Variants in FBXO42 observed in about 807,000 individuals in gnomAD.
FBXO42 encodes the protein F-box only protein 42.
FBXO42 carries 12 observed loss-of-function variants against 71.7 expected under a neutral mutation model. The ratio of observed to expected loss-of-function variants is 0.17; its 90% CI spans 0.11 to 0.27. FBXO42 has a LOEUF of 0.27. Among genes scored for constraint, FBXO42 ranks in the 10% least tolerant of loss-of-function variants. FBXO42 has a pLI of 1.00. For missense variants in FBXO42, 707 were observed against 911.9 expected (o/e 0.78, Z 2.89); for synonymous variants, 325 against 327.5 (o/e 0.99, Z 0.08).
chr1:16,346,929 G>C (rs1340300951), intron 1 of FBXO42, among the ~76,000 whole-genome samples: 1 of 151,126 alleles, frequency 6.6e-6, no homozygotes, highest in Non-Finnish European at 1.5e-5. Context: ...TTTAGTAGTA[G>C]AGATGGGGTT....
At chr1:16,255,438 G>A (rs1015124506) in intron 6 of FBXO42, among the ~76,000 whole-genome samples, 11 of 151,636 alleles carry the variant, frequency 7.3e-5, no homozygotes, top group Admixed American at 1.3e-4. Context: ...AGGTTCAAGC[G>A]ATTCTCCTGC....
At chr1:16,257,872 G>A (rs1182067379) in intron 4 of FBXO42, among the ~76,000 whole-genome samples, 1 of 152,128 alleles carries the variant, frequency 6.6e-6, no homozygotes, top group African/African-American at 2.4e-5. Flanking sequence ...GTTGAGATGG[G>A]GTTTCACCAT....
intron 3 of FBXO42, among the ~76,000 whole-genome samples, chr1:16,301,066 T>C (rs1441101284): frequency 6.6e-6 from 1 of 151,974 alleles, no homozygotes; most frequent in Non-Finnish European, 1.5e-5. Flanking sequence ...GCCCAGCTAA[T>C]TTTTGTATGT....
intron 1 of FBXO42, among the ~76,000 whole-genome samples, chr1:16,321,302 C>T (rs184162280): frequency 1.3e-5 from 2 of 152,194 alleles, no homozygotes; most frequent in South Asian, 2.1e-4. Flanking sequence ...ATGCCCAACA[C>T]CAATTTGCAT....
intron 4 of FBXO42, among the ~76,000 whole-genome samples, chr1:16,274,594 T>C (rs1429841072): frequency 9.2e-6 from 1 of 109,048 alleles, no homozygotes; most frequent in Non-Finnish European, 1.8e-5. Flanking sequence ...CCCCGTTTTT[T>C]TTTTTTTTTT....
At chr1:16,291,409 C>T (rs2082076608) in intron 4 of FBXO42, among the ~76,000 whole-genome samples, 1 of 151,396 alleles carries the variant, frequency 6.6e-6, no homozygotes, top group African/African-American at 2.4e-5. Flanking sequence ...TTGAGACAGT[C>T]TCACTCCGCC....
Position 16,250,594 on chromosome 1 carries a change from A to T in FBXO42, c.*76T>A. ...TTCTGGGAGTAATTTTGTTTTCCCA[A>T]TTCTCAGTCCAAATGCTTACACACT... is the stretch of plus-strand genomic sequence containing the variant. On this transcript the variant is annotated 3_prime_UTR_variant, in exon 10 of 10. Transcript: ENST00000375592. The surrounding 1 kb of genome is among the most constrained non-coding windows in gnomAD (Gnocchi z 4.7). 1 of 1,501,636 alleles carries T rather than the reference A, an allele frequency of 6.7e-7. No homozygotes were observed. The highest frequency in any genetic ancestry group is 1.4e-5 in the South Asian group (1 of 72,134). The allele number at this position is 1,501,636 out of a possible 1,614,324, so 93.0% of individuals were successfully genotyped here. A position where few individuals can be genotyped will look rare whatever the true frequency, so the allele number is the denominator to read the frequency against.
intron 1 of FBXO42, among the ~76,000 whole-genome samples, chr1:16,345,847 C>G (rs75444017): frequency 8.5e-6 from 1 of 117,434 alleles, no homozygotes; most frequent in Admixed American, 9.1e-5. Flanking sequence ...GACTCCGTCT[C>G]AAAAAAAAAA....
In FBXO42 at chr1:16,252,228, A is replaced by C. The variant is rs1569803690; in HGVS notation, c.1038+60T>G. 1 of 1,262,032 alleles carries C rather than the reference A, an allele frequency of 7.9e-7. No individual in the cohort carries two copies. Among genetic ancestry groups the C allele is most frequent in the East Asian group, 2.3e-5 (1 of 42,742 alleles). 78.2% of individuals were successfully genotyped at this position (1,262,032 alleles called of 1,614,324 possible). On this transcript the variant is annotated intron_variant, in intron 9 of 9. Coordinates refer to ENST00000375592, the MANE Select transcript of FBXO42 (RefSeq NM_018994.3). This position sits in a 1 kb window ranked among gnomAD's most constrained non-coding sequence, Gnocchi z 4.4. The stretch of plus-strand genomic sequence containing the variant: ...AAATTTCTTTGTAACCTGACAAAGT[A>C]ATGTGGTTTTCCACAATTTAGGACC...
chr1:16,278,693 G>A (rs2081930293), intron 4 of FBXO42, among the ~76,000 whole-genome samples: 1 of 152,112 alleles, frequency 6.6e-6, no homozygotes, highest in African/African-American at 2.4e-5. Context: ...AGCCCCATAT[G>A]TAACCTTTTT....
intron 4 of FBXO42, among the ~76,000 whole-genome samples, chr1:16,275,946 G>C (rs2081897128): frequency 6.6e-6 from 1 of 151,958 alleles, no homozygotes; most frequent in African/African-American, 2.4e-5. Context: ...CTTGGCAACA[G>C]AGTGAGACCC....
At chr1:16,309,012 G>A (rs900078222) in intron 2 of FBXO42, among the ~76,000 whole-genome samples, 2 of 143,342 alleles carry the variant, frequency 1.4e-5, no homozygotes, top group African/African-American at 5.2e-5. Flanking sequence ...CAAAATGCTG[G>A]GATTACAGGC....
At chr1:16,254,760 TCAGA>T (rs776172681) in intron 6 of FBXO42, among the ~76,000 whole-genome samples, 5 of 152,130 alleles carry the variant, frequency 3.3e-5, no homozygotes, top group Non-Finnish European at 5.9e-5. Context: ...TACCGCTGAA[TCAGA>T]CAGTGATACA....
chr1:16,296,251 G>GT (rs1262445442), intron 3 of FBXO42, among the ~76,000 whole-genome samples: 1 of 152,114 alleles, frequency 6.6e-6, no homozygotes, highest in Admixed American at 6.6e-5. Context: ...CACGCAGGAG[G>GT]TAAAAATAAA....
chr1:16,265,013 C>A (rs183080382), intron 4 of FBXO42, among the ~76,000 whole-genome samples: 6 of 152,310 alleles, frequency 3.9e-5, no homozygotes, highest in African/African-American at 1.4e-4. Context: ...CTACATAGAG[C>A]AGCTCAACTA....
chr1:16,285,122 G>A (rs560531728), intron 4 of FBXO42, among the ~76,000 whole-genome samples: 173 of 150,938 alleles, frequency 1.1e-3, no homozygotes, highest in African/African-American at 3.9e-3. Context: ...CTCCAGCCCC[G>A]CGACACTGCA....
chr1:16,300,926 T>C (rs1378095293), intron 3 of FBXO42, among the ~76,000 whole-genome samples: 3 of 122,892 alleles, frequency 2.4e-5, no homozygotes, highest in African/African-American at 9.8e-5. Flanking sequence ...TGAGACAGAG[T>C]GTTGTTCTGT....
chr1:16,303,319 C>T (rs530338549), intron 3 of FBXO42, among the ~76,000 whole-genome samples: 1 of 152,306 alleles, frequency 6.6e-6, no homozygotes, highest in East Asian at 1.9e-4. Flanking sequence ...GAGCTCTTAT[C>T]ATTTGGGGCA....
Position 16,253,131 on chromosome 1 carries a change from T to C in FBXO42, c.886A>G (p.Ile296Val). 1.9e-6 allele frequency: 3 copies of C among 1,613,774 alleles called. No homozygotes were observed. The highest frequency in any genetic ancestry group is 2.5e-6 in the Non-Finnish European group (3 of 1,179,898). Residue 296 changes from isoleucine to valine, a missense_variant, in exon 8 of 10, where the codon ATC (isoleucine) becomes GTC (valine). Physicochemically the swap from Ile to Val is conservative, Grantham distance 29. Transcript: ENST00000375592. The stretch of plus-strand genomic sequence containing the variant: ...CCGCCACACCCTCCGAGGATTAAGA[T>C]AGTTGCATCATCTATGACAATCTGA... ...QSQIVIDDAT[I>V]LILGGCGGPN...
Sources: allele counts gnomAD v4.1 joint callset (sites outside exome capture counted in the v4.1 genomes callset), GRCh38; gene constraint gnomAD v4.1.1; non-coding constraint Gnocchi (gnomAD v3.1); transcripts MANE v1.5; gene names NCBI Gene and HGNC (gene_info 2026-07-23, HGNC 2026-07-21).